Variants in CDC25C observed in about 807,000 individuals in gnomAD.
CDC25C encodes the protein cell division cycle 25C.
In CDC25C, 48 loss-of-function variants were observed where a neutral mutation model predicts 52.5. The observed-to-expected ratio is 0.91, with a 90% CI of 0.72 to 1.16. The LOEUF is 1.16. CDC25C is among the 50% of genes most tolerant of loss of function. The probability of loss-of-function intolerance (pLI) is 0.00; values close to 1 mark genes in which losing one functional copy is unlikely to be tolerated. For missense variants in CDC25C, 510 were observed against 566.1 expected (o/e 0.90, Z 1.01); for synonymous variants, 187 against 206.5 (o/e 0.91, Z 0.81).
chr5:138,289,390 T>C, intron 10 of CDC25C, 111 bp downstream of exon 10: 1 of 764,134 alleles, frequency 1.3e-6, no homozygotes, highest in Admixed American at 2.0e-5. Context: ...ATAAGGAGCC[T>C]GTGTGAGTGA....
chr5:138,331,668 G>C lies in CDC25C; in HGVS notation c.-112C>G, dbSNP rs1300600890. The C allele has an allele frequency of 1.6e-5, 16 of 994,012 alleles. No homozygotes were observed. The highest frequency in any genetic ancestry group is 4.4e-5 in the South Asian group (1 of 22,546). The allele number at this position is 994,012 out of a possible 1,614,324, so 61.6% of individuals were successfully genotyped here. A position where few individuals can be genotyped will look rare whatever the true frequency, so the allele number is the denominator to read the frequency against. ...AGGGATCGGACACAGGCGAAGACTT[G>C]AGCAGAATGAAAGGAAATCTAGGGG... On this transcript the variant is annotated 5_prime_UTR_variant, in exon 1 of 14. Coordinates refer to ENST00000323760, the MANE Select transcript of CDC25C (RefSeq NM_001790.5).
upstream of CDC25C, among the ~76,000 whole-genome samples, chr5:138,332,733 G>A (rs1448479124): frequency 1.3e-5 from 2 of 152,122 alleles, no homozygotes; most frequent in Non-Finnish European, 2.9e-5. Flanking sequence ...GGTTGTGGTG[G>A]CACACACCTG....
At chr5:138,329,782 G>A in intron 2 of CDC25C, 135 bp from the exon 3 acceptor site, 1 of 500,698 alleles carries the variant, frequency 2.0e-6, no homozygotes, top group South Asian at 2.3e-5. Context: ...CCCAGCTCAA[G>A]TGCAGTGGCA....
chr5:138,296,380 C>A (rs1250280735), intron 7 of CDC25C, among the ~76,000 whole-genome samples: 1 of 151,840 alleles, frequency 6.6e-6, no homozygotes, highest in East Asian at 1.9e-4. Flanking sequence ...GGATTACAGG[C>A]GTGCACCACC....
chr5:138,326,005 A>T lies in CDC25C; in HGVS notation c.369+16T>A. On this transcript the variant is annotated intron_variant, in intron 5 of 13. Transcript: ENST00000323760. ...TGAAAAGCAAAACAAAACCCAAAAAAAGAGAGGCTACTCACTGGGCTACAT... is the reference window on the plus strand; with the variant it reads ...TGAAAAGCAAAACAAAACCCAAAAATAGAGAGGCTACTCACTGGGCTACAT... 3 of 1,614,122 alleles carry T rather than the reference A, an allele frequency of 1.9e-6. No individual in the cohort carries two copies. The highest frequency in any genetic ancestry group is 1.3e-5 in the African/African-American group (1 of 75,044).
chr5:138,327,071 A>G (rs182884825), intron 4 of CDC25C, among the ~76,000 whole-genome samples: 1,582 of 151,668 alleles, frequency 0.01, 36 homozygotes, highest in African/African-American at 0.037. Context: ...CCTGGCCAAC[A>G]TGGTGAAACC....
Position 138,286,591 on chromosome 5 carries a change from A to G in CDC25C, c.1066T>C (p.Phe356Leu), listed in dbSNP as rs1239204552. 4 of 1,613,704 alleles carry G rather than the reference A, an allele frequency of 2.5e-6. No homozygotes were observed. The African/African-American group carries it at 5.3e-5, about 22-fold the overall frequency. The change falls in exon 12 of 14, where the codon TTC becomes CTC. Residue 356 changes from phenylalanine (F) to leucine (L), a missense_variant. Phe to Leu is a conservative substitution (Grantham distance 22). Transcript: ENST00000323760. Reference protein sequence around the residue: ...NLYSQEELFNFFLKKPIVPLD... With the variant: ...NLYSQEELFNLFLKKPIVPLD... ...GGGACGATGGGCTTCTTCAGAAAGA[A>G]GTTAAACAGTTCTTCCTGACTATAT...
chr5:138,315,124 G>A (rs544493426), intron 7 of CDC25C, among the ~76,000 whole-genome samples: 1 of 150,586 alleles, frequency 6.6e-6, no homozygotes, highest in Non-Finnish European at 1.5e-5. Flanking sequence ...AGTAGAGATG[G>A]AGTTTCACCA....
In CDC25C at chr5:138,289,537, C is replaced by T; in HGVS notation, c.891G>A (p.Gly297=). Residue 297 remains glycine (G), a synonymous_variant, in exon 10 of 14, where the codon GGG becomes GGA. Coordinates refer to ENST00000323760, the MANE Select transcript of CDC25C (RefSeq NM_001790.5). The part of the protein sequence containing the change: ...SKVCALPTVS[G]KHQDLKYVNP... ...TGACATACTTCAGATCTTGGTGTTT[C>T]CCTGACACGGTTGGCAGCGCACATA... The T allele has an allele frequency of 5.0e-6, 8 of 1,613,848 alleles. No individual in the cohort carries two copies. The highest frequency in any genetic ancestry group is 6.8e-6 in the Non-Finnish European group (8 of 1,179,824).
Position 138,286,480 on chromosome 5 carries a change from C to A in CDC25C, c.1160+17G>T. ...AATCCATTTCCATCACCCGCCAGAC[C>A]CCATTTAGACACTCACATTCGGGGG... On this transcript the variant is annotated intron_variant, in intron 12 of 13. Transcript: ENST00000323760. 1 of 1,602,030 alleles carries A rather than the reference C, an allele frequency of 6.2e-7. No homozygotes were observed. Among genetic ancestry groups the A allele is most frequent in the Non-Finnish European group, 8.5e-7 (1 of 1,173,514 alleles).
chr5:138,331,784 T>TGACGGCC lies in CDC25C; in HGVS notation c.-229_-228insGGCCGTC. 3 of 959,490 alleles carry TGACGGCC rather than the reference T, an allele frequency of 3.1e-6. No individual in the cohort carries two copies. The highest frequency in any genetic ancestry group is 3.7e-6 in the Non-Finnish European group (3 of 805,326). 59.4% of individuals were successfully genotyped at this position (959,490 alleles called of 1,614,324 possible). A position where few individuals can be genotyped will look rare whatever the true frequency, so the allele number is the denominator to read the frequency against. On this transcript the variant is annotated 5_prime_UTR_variant, in exon 1 of 14. Transcript: ENST00000323760. ...GTCTTCCCTGAGCAGAAGGCCAAAG[T>TGACGGCC]TACGGCCTCTGAGCAAGAATATCAA...
chr5:138,289,883 A>G (rs1756567023), intron 9 of CDC25C, among the ~76,000 whole-genome samples: 1 of 151,940 alleles, frequency 6.6e-6, no homozygotes, highest in Admixed American at 6.6e-5. Flanking sequence ...AAAAAAAAAA[A>G]AAAAGAAATA....
chr5:138,289,593 C>T, intron 9 of CDC25C, 30 bp from the exon 10 acceptor site: 4 of 1,571,660 alleles, frequency 2.5e-6, no homozygotes, highest in Non-Finnish European at 3.5e-6. Context: ...GAAATAACAG[C>T]AAGTATTCCA....
chr5:138,286,231 C>A, intron 12 of CDC25C, 98 bp from the exon 13 acceptor site: 2 of 967,970 alleles, frequency 2.1e-6, no homozygotes, highest in East Asian at 4.9e-5. Flanking sequence ...AGACTATTGC[C>A]AACCTCAAAA....
chr5:138,290,517 T>C, intron 9 of CDC25C, 122 bp downstream of exon 9: 1 of 659,284 alleles, frequency 1.5e-6, no homozygotes, highest in Non-Finnish European at 2.8e-6. Flanking sequence ...ACTAGAGCAC[T>C]GTCAGGTTAC....
At chr5:138,316,977 AG>A (rs112127146) in intron 7 of CDC25C, among the ~76,000 whole-genome samples, 21,900 of 152,182 alleles carry the variant, frequency 0.14, 1,836 homozygotes, top group South Asian at 0.23. Flanking sequence ...CTGGGCAGAA[AG>A]GTTTCTGGCC....
At chr5:138,296,408 G>C (rs1757185598) in intron 7 of CDC25C, among the ~76,000 whole-genome samples, 1 of 150,524 alleles carries the variant, frequency 6.6e-6, no homozygotes, top group Non-Finnish European at 1.5e-5. Flanking sequence ...GCTAATTTTT[G>C]TATTTGTATT....
chr5:138,322,790 AT>A (rs1052007343), intron 6 of CDC25C, among the ~76,000 whole-genome samples: 1 of 145,768 alleles, frequency 6.9e-6, no homozygotes, highest in Non-Finnish European at 1.5e-5. Flanking sequence ...TAATTTTCAT[AT>A]TTTTTTTTCA....
chr5:138,313,103 T>C (rs1758576559), intron 7 of CDC25C, among the ~76,000 whole-genome samples: 2 of 151,810 alleles, frequency 1.3e-5, no homozygotes, highest in South Asian at 4.2e-4. Flanking sequence ...GGGGGCCAGG[T>C]GCAGTGGCTC....
Sources: gnomAD v4.1 joint callset for allele counts (sites outside exome capture counted in the v4.1 genomes callset) on GRCh38, gnomAD v4.1.1 for gene constraint, MANE v1.5 for transcripts, NCBI Gene and HGNC (gene_info 2026-07-23, HGNC 2026-07-21) for gene names.